The following ADAM22 variants were observed in gnomAD, a reference collection of about 807,000 sequenced individuals.
ADAM22 encodes ADAM metallopeptidase domain 22.
ADAM22 carries 65 observed loss-of-function variants against 144.6 expected under a neutral mutation model. That is an observed-to-expected ratio of 0.45 (90% CI 0.37 to 0.55). The LOEUF (loss-of-function observed/expected upper bound fraction) is 0.55. ADAM22 is among the 20% of genes least tolerant of loss of function. ADAM22 has a pLI of 0.00. For synonymous variants in ADAM22, 391 were observed against 412.6 expected (o/e 0.95, Z 0.63); for missense variants, 974 against 1,184.9 (o/e 0.82, Z 2.61).
chr7:88,102,583 T>C (rs960587004), intron 4 of ADAM22, among the ~76,000 whole-genome samples: 1 of 152,136 alleles, frequency 6.6e-6, no homozygotes, highest in Non-Finnish European at 1.5e-5. Context: ...GTTGAGAACC[T>C]CCCCTCTAGG....
At chr7:87,974,158 G>C (rs1431100397) in intron 2 of ADAM22, among the ~76,000 whole-genome samples, 1 of 150,752 alleles carries the variant, frequency 6.6e-6, no homozygotes, top group Admixed American at 6.6e-5. Flanking sequence ...AAAAAAATTA[G>C]CCAGCCGTGG....
chr7:88,131,175 GA>G (rs1308293189), intron 10 of ADAM22, 93 bp from the exon 11 acceptor site: 3 of 1,047,334 alleles, frequency 2.9e-6, no homozygotes, highest in Non-Finnish European at 4.1e-6. Flanking sequence ...AAAACTCAAA[GA>G]AGTTTCCATG....
chr7:88,003,427 C>T (rs1249070140), intron 3 of ADAM22, among the ~76,000 whole-genome samples: 2 of 152,216 alleles, frequency 1.3e-5, no homozygotes, highest in Admixed American at 6.5e-5. Context: ...AGTGGTGCTG[C>T]TGCTGCTGCA....
chr7:87,984,761 G>C (rs1052744284), intron 3 of ADAM22, among the ~76,000 whole-genome samples: 1 of 151,986 alleles, frequency 6.6e-6, no homozygotes. Flanking sequence ...GCTTACTACA[G>C]CCTCAACCCC....
At chr7:88,080,381 A>G (rs1816147813) in intron 4 of ADAM22, among the ~76,000 whole-genome samples, 1 of 152,224 alleles carries the variant, frequency 6.6e-6, no homozygotes, top group African/African-American at 2.4e-5. Context: ...CTAAATGTCC[A>G]CAAGAGAAAG....
intron 4 of ADAM22, among the ~76,000 whole-genome samples, chr7:88,080,669 T>A (rs71407396): frequency 0.56 from 84,328 of 151,752 alleles, 24,500 homozygotes; most frequent in East Asian, 0.88. Context: ...AGGTGATATC[T>A]CCACCGATCC....
intron 11 of ADAM22, chr7:88,131,706 A>G (rs1831837757): frequency 2.3e-6 from 1 of 433,194 alleles, no homozygotes; most frequent in Non-Finnish European, 4.1e-6. Context: ...GCTAATACTC[A>G]TATATAGTAT....
At position 88,131,390 on chromosome 7, in the gene ADAM22, G is replaced by T. The variant is rs1265669408; in HGVS notation, c.947G>T (p.Arg316Met). The T allele has an allele frequency of 6.2e-7, 1 of 1,613,712 alleles. No homozygotes were observed. The highest frequency in any genetic ancestry group is 2.2e-5 in the East Asian group (1 of 44,862). Residue 316 changes from arginine (R) to methionine (M), a missense_variant, in exon 11 of 32, where the codon AGG becomes ATG. Arg to Met is a moderately conservative substitution (Grantham distance 91, BLOSUM62 -1). Coordinates refer to ENST00000413139, the MANE Select transcript of ADAM22 (RefSeq NM_001324418.2). ...ACCCTACGTGAGTTTATGAAATACA[G>T]GAGGGATTTTATCAAAGAGAAAAGT... is the stretch of plus-strand genomic sequence containing the variant. ...LITLREFMKY[R>M]RDFIKEKSDA...
intron 17 of ADAM22, among the ~76,000 whole-genome samples, chr7:88,147,177 G>C (rs902370547): frequency 6.6e-6 from 1 of 152,192 alleles, no homozygotes; most frequent in African/African-American, 2.4e-5. Flanking sequence ...CTCAAAGTAA[G>C]TTATAGCTGT....
chr7:88,108,913 C>A (rs923773062), intron 5 of ADAM22, among the ~76,000 whole-genome samples: 1 of 152,052 alleles, frequency 6.6e-6, no homozygotes, highest in African/African-American at 2.4e-5. Context: ...ACAATGATAC[C>A]TTAAAATGAT....
intron 20 of ADAM22, among the ~76,000 whole-genome samples, chr7:88,152,340 C>T (rs1039290003): frequency 1.3e-5 from 2 of 152,064 alleles, no homozygotes; most frequent in African/African-American, 4.8e-5. Flanking sequence ...TCAACTGTCC[C>T]TGGTTTTAGA....
intron 4 of ADAM22, among the ~76,000 whole-genome samples, chr7:88,106,032 G>T (rs1466160721): frequency 6.6e-6 from 1 of 152,078 alleles, no homozygotes; most frequent in African/African-American, 2.4e-5. Flanking sequence ...TCTGTAATTT[G>T]TTTAAGATTA....
At position 87,978,338 on chromosome 7, in the gene ADAM22, G is replaced by A. The variant is rs2129448760; in HGVS notation, c.249G>A (p.Leu83=). Reference sequence around the variant, plus strand: ...CTTTTTTCTTTTTGATATTGTAGTTGACTCATGTTGACCAAGCAAGCTTCC... The same window carrying A: ...CTTTTTTCTTTTTGATATTGTAGTTAACTCATGTTGACCAAGCAAGCTTCC... ...RVRGDLGGPQ[L]THVDQASFQV... is the part of the protein sequence containing the mutation. Residue 83 remains leucine, a splice_region_variant and synonymous_variant, in exon 3 of 32, where the codon TTG becomes TTA. Coordinates refer to ENST00000413139, the MANE Select transcript of ADAM22 (RefSeq NM_001324418.2). 10 of 1,612,280 alleles carry A rather than the reference G, an allele frequency of 6.2e-6. No individual in the cohort carries two copies. The highest frequency in any genetic ancestry group is 8.5e-6 in the Non-Finnish European group (10 of 1,179,154).
chr7:88,053,874 T>TAATC (rs1807381355), intron 3 of ADAM22, among the ~76,000 whole-genome samples: 1 of 152,186 alleles, frequency 6.6e-6, no homozygotes, highest in Admixed American at 6.5e-5. Context: ...TTTATGCCTG[T>TAATC]AATCGCAGCA....
At chr7:88,162,852 C>CA (rs1194711305) in intron 22 of ADAM22, among the ~76,000 whole-genome samples, 160 bp from the exon 23 acceptor site, 1 of 152,102 alleles carries the variant, frequency 6.6e-6, no homozygotes, top group East Asian at 1.9e-4. Context: ...TCAAAAGATT[C>CA]AATAGCTTTC....
chr7:88,061,550 G>A (rs1809858258), intron 3 of ADAM22, among the ~76,000 whole-genome samples: 1 of 152,178 alleles, frequency 6.6e-6, no homozygotes, highest in South Asian at 2.1e-4. Context: ...AGAGCTCTTA[G>A]GTGACTAGTT....
chr7:88,057,944 A>G (rs1808735064), intron 3 of ADAM22, among the ~76,000 whole-genome samples: 1 of 152,218 alleles, frequency 6.6e-6, no homozygotes, highest in Non-Finnish European at 1.5e-5. Flanking sequence ...GTAATTTTCC[A>G]TCATAACGAT....
chr7:88,137,159 A>T (rs1368469446), intron 14 of ADAM22, among the ~76,000 whole-genome samples: 1 of 152,226 alleles, frequency 6.6e-6, no homozygotes, highest in East Asian at 1.9e-4. Context: ...TTTTCAGTTT[A>T]TGTGAAATAC....
chr7:88,160,790 A>AAATGATG lies in ADAM22; in HGVS notation c.1908-2220_1908-2214dup, dbSNP rs927589001. Among the ~76,000 whole-genome samples the AAATGATG allele has an allele frequency of 1.4e-3, 214 of 152,250 alleles. 1 individual carries two copies. Among genetic ancestry groups the AAATGATG allele is most frequent in the African/African-American group, 4.9e-3 (204 of 41,546 alleles). ...CCATGGAATACTATGCAGCCATAAA[A>AAATGATG]AATGATGAGTTCATGTCCTTTGTAG... On this transcript the variant is annotated intron_variant, in intron 22 of 31. Transcript: ENST00000413139.
Sources: allele counts gnomAD v4.1 joint callset (sites outside exome capture counted in the v4.1 genomes callset), GRCh38; gene constraint gnomAD v4.1.1; transcripts MANE v1.5; gene names NCBI Gene and HGNC (gene_info 2026-07-23, HGNC 2026-07-21).